Variants in SLC4A4 observed in about 807,000 individuals in gnomAD.
The protein encoded by SLC4A4 is electrogenic sodium bicarbonate cotransporter 1.
A neutral mutation model predicts 111.5 loss-of-function variants in SLC4A4; 27 were observed. The observed-to-expected ratio is 0.24, with a 90% CI of 0.18 to 0.33. The LOEUF is 0.33. SLC4A4 is among the 10% of genes least tolerant of loss of function. The pLI is 1.00. For synonymous variants in SLC4A4, 443 were observed against 463.4 expected, an observed-to-expected ratio of 0.96 and a Z score of 0.57; for missense variants, 909 against 1,315.5, an observed-to-expected ratio of 0.69 and a Z score of 4.78.
chr4:71,223,226 A>C (rs2149024551), intron 1 of SLC4A4, among the ~76,000 whole-genome samples: 1 of 149,918 alleles, frequency 6.7e-6, no homozygotes, highest in Middle Eastern at 3.4e-3. Context: ...CCCAGGCTGG[A>C]GTGCAGTGGC....
intron 15 of SLC4A4, among the ~76,000 whole-genome samples, chr4:71,496,593 A>G (rs919210053): frequency 2.0e-5 from 3 of 152,056 alleles, no homozygotes; most frequent in African/African-American, 7.2e-5. Context: ...GCAGTTCTCT[A>G]GAGAAAAAGA....
At chr4:71,394,141 A>G (rs113098189) in intron 6 of SLC4A4, among the ~76,000 whole-genome samples, 2 of 152,202 alleles carry the variant, frequency 1.3e-5, no homozygotes, top group African/African-American at 2.4e-5. Flanking sequence ...AGCAAATACA[A>G]TAGAAACAAA....
chr4:71,348,954 T>A (rs1426229875), intron 4 of SLC4A4, among the ~76,000 whole-genome samples: 1 of 152,216 alleles, frequency 6.6e-6, no homozygotes, highest in African/African-American at 2.4e-5. Flanking sequence ...TCTCTTTCAA[T>A]ATCTCTCAGA....
At chr4:71,079,648 C>T (rs1346981023) in intron 1 of SLC4A4, among the ~76,000 whole-genome samples, 1 of 151,996 alleles carries the variant, frequency 6.6e-6, no homozygotes, top group South Asian at 2.1e-4. Flanking sequence ...TGGTGGCACA[C>T]ACCTGTAGTC....
At chr4:71,553,720 T>A (rs779843647) in intron 20 of SLC4A4, among the ~76,000 whole-genome samples, 1 of 151,536 alleles carries the variant, frequency 6.6e-6, no homozygotes, top group Non-Finnish European at 1.5e-5. Flanking sequence ...TACACAAGAA[T>A]CACAAGGAAT....
intron 3 of SLC4A4, among the ~76,000 whole-genome samples, chr4:71,256,599 A>G (rs770834929): frequency 6.6e-6 from 1 of 152,186 alleles, no homozygotes; most frequent in Non-Finnish European, 1.5e-5. Context: ...ACCAGAAGGC[A>G]GGAGACTCAA....
At chr4:71,300,575 C>T (rs1272967443) in intron 3 of SLC4A4, 1 of 278,446 alleles carries the variant, frequency 3.6e-6, no homozygotes, top group East Asian at 9.9e-5. Context: ...TAGAGGAAGA[C>T]ATTCTGAAGT....
At chr4:71,552,495 T>G (rs570178476) in intron 20 of SLC4A4, among the ~76,000 whole-genome samples, 1 of 152,004 alleles carries the variant, frequency 6.6e-6, no homozygotes, top group Non-Finnish European at 1.5e-5. Flanking sequence ...TCTCGTTTAC[T>G]CTTCTGGGAA....
At chr4:71,388,001 C>T (rs958433210) in intron 6 of SLC4A4, among the ~76,000 whole-genome samples, 1 of 152,150 alleles carries the variant, frequency 6.6e-6, no homozygotes, top group Non-Finnish European at 1.5e-5. Context: ...GGCTTAGGGA[C>T]ATTTACTGAA....
intron 18 of SLC4A4, among the ~76,000 whole-genome samples, chr4:71,536,447 T>C (rs1281610175): frequency 8.5e-5 from 6 of 70,576 alleles, no homozygotes; most frequent in African/African-American, 2.8e-4. Context: ...TAAGCATATA[T>C]ACATATATAC....
intron 3 of SLC4A4, among the ~76,000 whole-genome samples, chr4:71,316,498 A>G (rs1457416325): frequency 6.6e-6 from 1 of 152,104 alleles, no homozygotes; most frequent in Non-Finnish European, 1.5e-5. Context: ...CCGTTTTTTT[A>G]AAAACAGAAT....
intron 1 of SLC4A4, among the ~76,000 whole-genome samples, chr4:71,232,846 G>T (rs1404979657): frequency 6.6e-6 from 1 of 152,244 alleles, no homozygotes; most frequent in Non-Finnish European, 1.5e-5. Context: ...GTGGGGTGCA[G>T]AAATGATGTT....
At chr4:71,188,918 G>A (rs1376606945) in intron 1 of SLC4A4, among the ~76,000 whole-genome samples, 5 of 152,094 alleles carry the variant, frequency 3.3e-5, no homozygotes, top group Non-Finnish European at 5.9e-5. Context: ...TCATTTTAAA[G>A]TTAAAAGTAC....
At chr4:71,124,575 C>T (rs1441083881) in intron 2 of SLC4A4, among the ~76,000 whole-genome samples, 1 of 152,160 alleles carries the variant, frequency 6.6e-6, no homozygotes, top group Non-Finnish European at 1.5e-5. Flanking sequence ...CATTTCAATA[C>T]TAATATTCAT....
chr4:71,326,384 A>G (rs946764418), intron 3 of SLC4A4, among the ~76,000 whole-genome samples: 9 of 152,000 alleles, frequency 5.9e-5, no homozygotes, highest in African/African-American at 2.2e-4. Context: ...ACTGTATGAC[A>G]TTGAGTAATT....
chr4:71,329,066 G>A (rs1009123050), intron 3 of SLC4A4, among the ~76,000 whole-genome samples: 23 of 151,850 alleles, frequency 1.5e-4, no homozygotes, highest in Non-Finnish European at 2.2e-4. Flanking sequence ...AGCATTTATC[G>A]AAGAAACTGT....
At chr4:71,105,807 A>G (rs1486629578) in intron 2 of SLC4A4, among the ~76,000 whole-genome samples, 1 of 94,810 alleles carries the variant, frequency 1.1e-5, no homozygotes, top group Non-Finnish European at 2.4e-5. Context: ...TAGACCTAAA[A>G]CCATAAAAAC....
intron 7 of SLC4A4, among the ~76,000 whole-genome samples, chr4:71,407,863 A>T (rs904906548): frequency 6.6e-6 from 1 of 152,108 alleles, no homozygotes; most frequent in Admixed American, 6.6e-5. Context: ...ACCACAATGA[A>T]TAGAGAGTTA....
At chr4:71,096,361 GA>G (rs1742550338) in intron 2 of SLC4A4, among the ~76,000 whole-genome samples, 1 of 152,100 alleles carries the variant, frequency 6.6e-6, no homozygotes, top group East Asian at 1.9e-4. Context: ...ACAGAACACT[GA>G]AAAACACTGA....
Sources: allele counts gnomAD v4.1 joint callset (sites outside exome capture counted in the v4.1 genomes callset), GRCh38; gene constraint gnomAD v4.1.1; transcripts MANE v1.5; gene names NCBI Gene and HGNC (gene_info 2026-07-23, HGNC 2026-07-21).